UBE2W: variants seen among roughly 807,000 people sequenced by gnomAD.
The protein encoded by UBE2W is ubiquitin-conjugating enzyme E2 W.
A neutral mutation model predicts 27.2 loss-of-function variants in UBE2W; 18 were observed. The observed-to-expected ratio is 0.66, with a 90% confidence interval of 0.46 to 0.98. The LOEUF (loss-of-function observed/expected upper bound fraction) is 0.98. Among genes scored for constraint, UBE2W ranks in the 50% least tolerant of loss-of-function variants. UBE2W has a pLI of 0.00. For missense variants in UBE2W, 90 were observed against 180.2 expected, an observed-to-expected ratio of 0.50 and a Z score of 2.87; for synonymous variants, 53 against 57.2, an observed-to-expected ratio of 0.93 and a Z score of 0.33.
At chr8:73,868,818 CAG>C (rs1190873926) in intron 1 of UBE2W, among the ~76,000 whole-genome samples, 3 of 151,964 alleles carry the variant, frequency 2.0e-5, no homozygotes, top group Admixed American at 6.6e-5. Flanking sequence ...AGTTAAAACA[CAG>C]AGTTACTGTA....
At chr8:73,831,083 T>C in intron 1 of UBE2W, 1 of 246,384 alleles carries the variant, frequency 4.1e-6, no homozygotes, top group South Asian at 5.7e-5. Flanking sequence ...TACTTCTTCA[T>C]CTGTATGCAT....
At chr8:73,800,120 A>G (rs1303801170) in intron 5 of UBE2W, among the ~76,000 whole-genome samples, 1 of 152,228 alleles carries the variant, frequency 6.6e-6, no homozygotes, top group Non-Finnish European at 1.5e-5. Context: ...AAAGGAGAAG[A>G]CAGTATGTGC....
In UBE2W at chr8:73,793,799, A is replaced by C. The variant is rs1215566891; in HGVS notation, c.*303T>G. 1 of 1,108,274 alleles carries C rather than the reference A, an allele frequency of 9.0e-7. No individual in the cohort carries two copies. Among genetic ancestry groups the C allele is most frequent in the Non-Finnish European group, 1.1e-6 (1 of 907,782 alleles). 68.7% of individuals were successfully genotyped at this position (1,108,274 alleles called of 1,614,324 possible). A position where few individuals can be genotyped will look rare whatever the true frequency, so the allele number is the denominator to read the frequency against. ...AAGGAAGTCATTGTTATTGCACAAT[A>C]CATGAGGACCTGGAGCTTTTCCAAA... On this transcript the variant is annotated 3_prime_UTR_variant, in exon 6 of 6. Coordinates refer to ENST00000602593, the MANE Select transcript of UBE2W (RefSeq NM_018299.6).
At chr8:73,868,349 G>A (rs1438253517) in intron 1 of UBE2W, among the ~76,000 whole-genome samples, 1 of 152,108 alleles carries the variant, frequency 6.6e-6, no homozygotes, top group South Asian at 2.1e-4. Context: ...CATACCCCAC[G>A]GGGCCAAAGG....
chr8:73,852,481 T>C (rs749850743), intron 1 of UBE2W, among the ~76,000 whole-genome samples: 69 of 152,198 alleles, frequency 4.5e-4, no homozygotes, highest in Non-Finnish European at 9.0e-4. Context: ...CTTTCTCTCA[T>C]TGATCCCTGC....
At chr8:73,849,363 T>G (rs1810967676) in intron 1 of UBE2W, among the ~76,000 whole-genome samples, 1 of 151,666 alleles carries the variant, frequency 6.6e-6, no homozygotes, top group Admixed American at 6.6e-5. Context: ...AATACAAAAA[T>G]CAGCTGGGCA....
At chr8:73,853,928 C>T (rs979068440) in intron 1 of UBE2W, among the ~76,000 whole-genome samples, 5 of 152,036 alleles carry the variant, frequency 3.3e-5, no homozygotes, top group African/African-American at 4.8e-5. Flanking sequence ...GTGAGAAGAT[C>T]GCTTGAGTCT....
intron 5 of UBE2W, among the ~76,000 whole-genome samples, chr8:73,802,990 C>T (rs1563575640): frequency 1.3e-5 from 2 of 152,034 alleles, no homozygotes; most frequent in Non-Finnish European, 2.9e-5. Flanking sequence ...CGAAACTGCA[C>T]TCCAGCCTGG....
intron 1 of UBE2W, among the ~76,000 whole-genome samples, chr8:73,845,409 C>T (rs1810753242): frequency 6.6e-6 from 1 of 152,098 alleles, no homozygotes. Flanking sequence ...AACCTTACCC[C>T]CAACCCCGTG....
intron 1 of UBE2W, among the ~76,000 whole-genome samples, chr8:73,836,225 G>A (rs1810303991): frequency 1.3e-5 from 2 of 151,870 alleles, no homozygotes; most frequent in South Asian, 2.1e-4. Flanking sequence ...TGAGGGGGTG[G>A]AATTATTACA....
chr8:73,845,321 G>A (rs538469118), intron 1 of UBE2W, among the ~76,000 whole-genome samples: 16 of 152,376 alleles, frequency 1.1e-4, no homozygotes, highest in African/African-American at 2.9e-4. Flanking sequence ...TGTCTGTGTA[G>A]AAAGTAGTAG....
At chr8:73,845,720 T>TA (rs796091391) in intron 1 of UBE2W, among the ~76,000 whole-genome samples, 3,764 of 141,506 alleles carry the variant, frequency 0.027, 148 homozygotes, top group African/African-American at 0.088. Flanking sequence ...TAAAAAAATT[T>TA]AAAAAAAAAA....
chr8:73,791,880 T>A lies in UBE2W; in HGVS notation c.*2222A>T, dbSNP rs1332931242. On this transcript the variant is annotated 3_prime_UTR_variant, in exon 6 of 6. Transcript: ENST00000602593. ...GTATTTATATGTAGAGAGAGAGGTATGTTAAAATATTGTCATAAAAAACTC... is the reference window on the plus strand; with the variant it reads ...GTATTTATATGTAGAGAGAGAGGTAAGTTAAAATATTGTCATAAAAAACTC... 4.1e-6 allele frequency: 4 copies of A among 984,540 alleles called. No individual in the cohort carries two copies. The highest frequency in any genetic ancestry group is 4.8e-6 in the Non-Finnish European group (4 of 829,190). The allele number at this position is 984,540 out of a possible 1,614,324, so 61.0% of individuals were successfully genotyped here. A position where few individuals can be genotyped will look rare whatever the true frequency, so the allele number is the denominator to read the frequency against.
chr8:73,849,512 C>CA (rs71269951), intron 1 of UBE2W, among the ~76,000 whole-genome samples: 14,746 of 22,702 alleles, frequency 0.65, 6,680 homozygotes, highest in Middle Eastern at 0.92. Context: ...AACTCCATCT[C>CA]AAAAAAAAAA....
intron 5 of UBE2W, among the ~76,000 whole-genome samples, chr8:73,794,523 T>C (rs1329130584): frequency 6.6e-6 from 1 of 152,226 alleles, no homozygotes; most frequent in Non-Finnish European, 1.5e-5. Flanking sequence ...AATTTGTCTT[T>C]AGACTGTGAA....
intron 1 of UBE2W, among the ~76,000 whole-genome samples, chr8:73,878,570 A>G (rs1220733029): frequency 6.6e-6 from 1 of 151,924 alleles, no homozygotes; most frequent in Non-Finnish European, 1.5e-5. Flanking sequence ...ACCCTCCTTT[A>G]TCACCCAACT....
intron 1 of UBE2W, among the ~76,000 whole-genome samples, chr8:73,868,611 G>T (rs972437733): frequency 6.6e-6 from 1 of 152,006 alleles, no homozygotes; most frequent in African/African-American, 2.4e-5. Flanking sequence ...GTCTAAAGTG[G>T]GGGCCAGTCC....
chr8:73,833,651 A>AAAAACAAAAC (rs57585153), intron 1 of UBE2W: 5 of 151,980 alleles, frequency 3.3e-5, no homozygotes, highest in African/African-American at 1.2e-4. Context: ...ACAACCAGGC[A>AAAAACAAAAC]AAAACAAAAC....
At chr8:73,816,634 CAAAATGGCT>C (rs1007696070) in intron 3 of UBE2W, among the ~76,000 whole-genome samples, 1 of 152,186 alleles carries the variant, frequency 6.6e-6, no homozygotes, top group African/African-American at 2.4e-5. Context: ...CTCTTAGCAA[CAAAATGGCT>C]TCTAATCAAA....
Sources: allele counts gnomAD v4.1 joint callset (sites outside exome capture counted in the v4.1 genomes callset), GRCh38; gene constraint gnomAD v4.1.1; transcripts MANE v1.5; gene names NCBI Gene and HGNC (gene_info 2026-07-23, HGNC 2026-07-21).